EPB41L5: variants seen among roughly 807,000 people sequenced by gnomAD.
EPB41L5 encodes band 4.1-like protein 5.
Under a neutral mutation model 106.6 loss-of-function variants are expected in EPB41L5, and 55 were observed. The ratio of observed to expected loss-of-function variants is 0.52; its 90% CI spans 0.42 to 0.65. The LOEUF (loss-of-function observed/expected upper bound fraction) is 0.65. Ranked by LOEUF, EPB41L5 falls within the 30% of genes least tolerant of loss-of-function variation. The pLI, the probability that EPB41L5 is intolerant of heterozygous loss-of-function variation, is 0.00. For missense variants in EPB41L5, 871 were observed against 882.1 expected, an observed-to-expected ratio of 0.99 and a Z score of 0.16; for synonymous variants, 297 against 306.7, an observed-to-expected ratio of 0.97 and a Z score of 0.33.
At chr2:120,087,885 C>G (rs975137989) in intron 11 of EPB41L5, among the ~76,000 whole-genome samples, 2 of 152,296 alleles carry the variant, frequency 1.3e-5, no homozygotes, top group South Asian at 2.1e-4. Context: ...CAGTGTGGTT[C>G]TTAATTGATA....
At chr2:120,058,203 C>T (rs1191327522) in intron 3 of EPB41L5, among the ~76,000 whole-genome samples, 1 of 151,922 alleles carries the variant, frequency 6.6e-6, no homozygotes, top group Non-Finnish European at 1.5e-5. Flanking sequence ...ATAAAAGAAG[C>T]AGGGTTTTGC....
intron 16 of EPB41L5, among the ~76,000 whole-genome samples, chr2:120,115,241 C>CA (rs1279123006): frequency 2.6e-5 from 4 of 152,192 alleles, no homozygotes; most frequent in African/African-American, 7.2e-5. Context: ...GACAGTTTAA[C>CA]ATTTACATTC....
rs561523906 is a variant in EPB41L5 at position 120,157,620 on chromosome 2, T to C, written c.1794-3261T>C. Among the ~76,000 whole-genome samples, 562 of 151,784 alleles carry C rather than the reference T, an allele frequency of 3.7e-3. 17 individuals carry two copies. The highest frequency in any genetic ancestry group is 5.7e-4 in the Non-Finnish European group (39 of 67,904). ...CTCCATCTCTACTAAAAATATAAAA[T>C]TAGCTGGGCGGGGTGGCGCATGCCT... On this transcript the variant is annotated intron_variant, in intron 20 of 24. Transcript: ENST00000263713.
intron 3 of EPB41L5, among the ~76,000 whole-genome samples, chr2:120,058,618 C>T (rs1680821491): frequency 6.6e-6 from 1 of 152,144 alleles, no homozygotes; most frequent in South Asian, 2.1e-4. Context: ...TTACATTTAC[C>T]TGCAAAAGAC....
At position 120,077,256 on chromosome 2, in the gene EPB41L5, C is replaced by T; in HGVS notation, c.654C>T (p.Thr218=). ...YRGQTPAQAE[T]NYLNKAKWLE... is the part of the protein sequence containing the mutation. The stretch of plus-strand genomic sequence containing the variant: ...GTCAAACACCAGCACAGGCTGAAAC[C>T]AATTATCTGAATAAAGCCAAATGGC... The change falls in exon 9 of 25, where the codon ACC becomes ACT. Residue 218 remains threonine, a synonymous_variant. Transcript: ENST00000263713. 1.2e-6 allele frequency: 2 copies of T among 1,611,094 alleles called. No homozygotes were observed. Among genetic ancestry groups the T allele is most frequent in the South Asian group, 1.1e-5 (1 of 90,532 alleles).
chr2:120,134,803 C>T (rs1263007498), intron 18 of EPB41L5, among the ~76,000 whole-genome samples: 1 of 152,160 alleles, frequency 6.6e-6, no homozygotes, highest in Admixed American at 6.5e-5. Context: ...ATTCAGTTCC[C>T]TTTGAATAAC....
At chr2:120,090,232 G>A (rs978519658) in intron 11 of EPB41L5, 115 bp from the exon 12 acceptor site, 32 of 807,428 alleles carry the variant, frequency 4.0e-5, no homozygotes, top group Non-Finnish European at 5.6e-5. Flanking sequence ...AAGAGTGTCT[G>A]AATTTCAGGG....
chr2:120,111,042 A>G (rs928220694), intron 16 of EPB41L5, among the ~76,000 whole-genome samples: 1 of 152,168 alleles, frequency 6.6e-6, no homozygotes, highest in Non-Finnish European at 1.5e-5. Context: ...CATTGGTACA[A>G]TACCACAAAC....
intron 20 of EPB41L5, among the ~76,000 whole-genome samples, chr2:120,150,651 A>G (rs1175621122): frequency 1.3e-5 from 2 of 151,080 alleles, no homozygotes; most frequent in Non-Finnish European, 1.5e-5. Context: ...CACCCCATTT[A>G]TTTTTATTTC....
chr2:120,170,998 G>T (rs1187838891), intron 24 of EPB41L5, among the ~76,000 whole-genome samples: 1 of 152,174 alleles, frequency 6.6e-6, no homozygotes, highest in Non-Finnish European at 1.5e-5. Context: ...TTAATATATA[G>T]ATGTTATAGT....
In EPB41L5 at chr2:120,143,070, T is replaced by C. The variant is rs1686252531; in HGVS notation, c.1667T>C (p.Met556Thr). 1 of 1,611,220 alleles carries C rather than the reference T, an allele frequency of 6.2e-7. No homozygotes were observed. Among genetic ancestry groups the C allele is most frequent in the South Asian group, 1.1e-5 (1 of 90,754 alleles). Reference protein sequence around the residue: ...NVIESPGLNVMRVPPDFKSNI... With the variant: ...NVIESPGLNVTRVPPDFKSNI... ...ATTGAGAGCCCAGGATTGAATGTCA[T>C]GAGAGTTCCTCCTGACTTCAAGAGT... The change falls in exon 19 of 25, where the codon ATG becomes ACG. Residue 556 changes from methionine (M) to threonine (T), a missense_variant. Met to Thr is a moderately conservative substitution (Grantham distance 81). Coordinates refer to ENST00000263713, the MANE Select transcript of EPB41L5 (RefSeq NM_020909.4).
At chr2:120,166,610 G>C (rs1451020729) in intron 22 of EPB41L5, among the ~76,000 whole-genome samples, 4 of 152,130 alleles carry the variant, frequency 2.6e-5, no homozygotes, top group Admixed American at 6.6e-5. Flanking sequence ...GCTAATTTTT[G>C]TATTTTTAGT....
chr2:120,046,599 T>C (rs985024206), intron 3 of EPB41L5, among the ~76,000 whole-genome samples: 7 of 151,432 alleles, frequency 4.6e-5, no homozygotes, highest in Non-Finnish European at 1.0e-4. Flanking sequence ...TGTTCTCCCA[T>C]TCTGTAGGTT....
intron 2 of EPB41L5, among the ~76,000 whole-genome samples, chr2:120,020,308 C>G (rs1175694229): frequency 1.3e-5 from 2 of 152,026 alleles, no homozygotes; most frequent in Non-Finnish European, 2.9e-5. Flanking sequence ...TTAAACTCAC[C>G]AAGTGAGAGT....
chr2:120,174,736 A>G (rs1687857576), intron 24 of EPB41L5, 105 bp from the exon 25 acceptor site: 1 of 945,452 alleles, frequency 1.1e-6, no homozygotes, highest in Admixed American at 1.7e-5. Context: ...TAGGTCTGTA[A>G]TCTGCTGTAC....
At chr2:120,024,889 C>T (rs755300179) in intron 2 of EPB41L5, among the ~76,000 whole-genome samples, 25 of 152,132 alleles carry the variant, frequency 1.6e-4, no homozygotes, top group African/African-American at 4.3e-4. Context: ...TTTGATGTGC[C>T]GCTGGATTCG....
At chr2:120,113,334 C>CACAACTT (rs1171158009) in intron 16 of EPB41L5, among the ~76,000 whole-genome samples, 1 of 152,166 alleles carries the variant, frequency 6.6e-6, no homozygotes, top group African/African-American at 2.4e-5. Flanking sequence ...AGCTATCATT[C>CACAACTT]ACAACTTTAA....
chr2:120,090,703 A>G (rs1683350421), intron 12 of EPB41L5, among the ~76,000 whole-genome samples, 187 bp downstream of exon 12: 2 of 152,186 alleles, frequency 1.3e-5, no homozygotes, highest in Non-Finnish European at 2.9e-5. Context: ...TCTTGAATAG[A>G]TGCGTAAACA....
intron 10 of EPB41L5, among the ~76,000 whole-genome samples, chr2:120,079,893 C>T (rs893305156): frequency 1.3e-5 from 2 of 152,068 alleles, no homozygotes; most frequent in Admixed American, 6.6e-5. Context: ...CAGCTAGGGT[C>T]CTGCGTGGTC....
Sources: allele counts gnomAD v4.1 joint callset (sites outside exome capture counted in the v4.1 genomes callset), GRCh38; gene constraint gnomAD v4.1.1; transcripts MANE v1.5; gene names NCBI Gene and HGNC (gene_info 2026-07-23, HGNC 2026-07-21).